The following ZNF577 variants were observed in gnomAD, a reference collection of about 807,000 sequenced individuals.
The protein encoded by ZNF577 is zinc finger protein 577.
Under a neutral mutation model 13.9 loss-of-function variants are expected in ZNF577, and 14 were observed. The ratio of observed to expected loss-of-function variants is 1.00; its 90% CI spans 0.66 to 1.57. The LOEUF (loss-of-function observed/expected upper bound fraction) is 1.57, where lower values mean the gene tolerates loss of function less well. Ranked by LOEUF, ZNF577 falls within the 40% of genes most tolerant of loss-of-function variation. The pLI is 0.00. For missense variants in ZNF577, 555 were observed against 579.2 expected, an observed-to-expected ratio of 0.96 and a Z score of 0.43; for synonymous variants, 203 against 202.9, an observed-to-expected ratio of 1.00 and a Z score of 0.00.
At chr19:51,808,919 C>T (rs1271959548) in intron 10 of ZNF577, among the ~76,000 whole-genome samples, 1 of 152,166 alleles carries the variant, frequency 6.6e-6, no homozygotes, top group Admixed American at 6.5e-5. Flanking sequence ...GGCCATTGAT[C>T]CACCCACACG....
Position 51,868,867 on chromosome 19 carries a change from G to A in ZNF577, c.*3665C>T, listed in dbSNP as rs1042929947. Among the ~76,000 whole-genome samples, 14 of 152,226 alleles carry A rather than the reference G, an allele frequency of 9.2e-5. No homozygotes were observed. Among genetic ancestry groups the A allele is most frequent in the Admixed American group, 2.6e-4 (4 of 15,282 alleles). On this transcript the variant is annotated 3_prime_UTR_variant, in exon 6 of 6. Coordinates refer to ENST00000638348, the MANE Select transcript of ZNF577 (RefSeq NM_001370449.1). ...CAACCCTGTGCTCGCAGAAACATGTGCTGTGTTGACTCAAGGTTTACTAGA... is the reference window on the plus strand; with the variant it reads ...CAACCCTGTGCTCGCAGAAACATGTACTGTGTTGACTCAAGGTTTACTAGA...
intron 9 of ZNF577, chr19:51,826,334 T>C (rs2084231654): frequency 6.6e-6 from 1 of 152,246 alleles, no homozygotes. Flanking sequence ...TGAAAGGAGT[T>C]TGGAAGTGAT....
intron 9 of ZNF577, among the ~76,000 whole-genome samples, chr19:51,834,447 T>C (rs7250063): frequency 0.42 from 64,379 of 151,970 alleles, 13,796 homozygotes; most frequent in South Asian, 0.58. Context: ...AAATAAGTTT[T>C]AATAAAAATC....
chr19:51,814,955 G>A (rs907705338), intron 9 of ZNF577, among the ~76,000 whole-genome samples: 7 of 151,800 alleles, frequency 4.6e-5, no homozygotes, highest in Admixed American at 1.3e-4. Flanking sequence ...GACTACAGCC[G>A]CCTGCCACCA....
intron 9 of ZNF577, among the ~76,000 whole-genome samples, chr19:51,811,925 C>A (rs2084099882): frequency 6.6e-6 from 1 of 152,162 alleles, no homozygotes; most frequent in Non-Finnish European, 1.5e-5. Context: ...CCCATGGGGT[C>A]TTCGGCTCCC....
intron 9 of ZNF577, among the ~76,000 whole-genome samples, chr19:51,829,331 C>T (rs1251666954): frequency 3.3e-5 from 5 of 152,150 alleles, no homozygotes; most frequent in Admixed American, 2.6e-4. Flanking sequence ...CTGGAGTCAA[C>T]ACGTCTTGTG....
At chr19:51,815,865 A>AAAAAAAG (rs1343923219) in intron 9 of ZNF577, among the ~76,000 whole-genome samples, 11 of 150,708 alleles carry the variant, frequency 7.3e-5, no homozygotes, top group South Asian at 2.1e-4. Context: ...CTGTCTCAAA[A>AAAAAAAG]AAAAAAGAAA....
intron 9 of ZNF577, among the ~76,000 whole-genome samples, chr19:51,813,158 A>C (rs970871397): frequency 7.4e-5 from 11 of 149,314 alleles, no homozygotes; most frequent in South Asian, 2.1e-4. Context: ...ACACACACAC[A>C]CACCCCATAA....
intron 5 of ZNF577, among the ~76,000 whole-genome samples, chr19:51,845,381 C>T (rs974058953): frequency 1.3e-5 from 2 of 151,734 alleles, no homozygotes; most frequent in African/African-American, 4.8e-5. Flanking sequence ...CCCAGCTACC[C>T]GGGAGGCTGA....
At chr19:51,810,213 G>A (rs1450622672) in intron 10 of ZNF577, among the ~76,000 whole-genome samples, 1 of 152,158 alleles carries the variant, frequency 6.6e-6, no homozygotes, top group African/African-American at 2.4e-5. Context: ...GCAAAGTGAT[G>A]AAGCTCAGTT....
intron 9 of ZNF577, among the ~76,000 whole-genome samples, chr19:51,815,806 G>A (rs546214992): frequency 6.6e-6 from 1 of 150,864 alleles, no homozygotes; most frequent in South Asian, 2.1e-4. Context: ...AGGTTACAGT[G>A]AGCAGCGATC....
At chr19:51,842,279 A>G (rs975446744) in intron 8 of ZNF577, among the ~76,000 whole-genome samples, 1 of 152,196 alleles carries the variant, frequency 6.6e-6, no homozygotes, top group African/African-American at 2.4e-5. Flanking sequence ...GTGTCCCCCA[A>G]AACTCATCTG....
At chr19:51,808,292 T>C (rs1330973753) in intron 10 of ZNF577, among the ~76,000 whole-genome samples, 1 of 152,222 alleles carries the variant, frequency 6.6e-6, no homozygotes, top group Non-Finnish European at 1.5e-5. Flanking sequence ...TCTGAGTCCA[T>C]ACACTTCTCT....
chr19:51,881,127 C>T (rs1390542851), intron 1 of ZNF577, among the ~76,000 whole-genome samples: 1 of 152,132 alleles, frequency 6.6e-6, no homozygotes, highest in Non-Finnish European at 1.5e-5. Flanking sequence ...CAAAAACCAC[C>T]TATGGTCTTG....
chr19:51,881,304 ACT>A (rs1475576481), intron 1 of ZNF577, among the ~76,000 whole-genome samples: 7 of 152,088 alleles, frequency 4.6e-5, no homozygotes, highest in African/African-American at 1.7e-4. Flanking sequence ...ACATGGCAAG[ACT>A]CTGTCTCTAA....
At chr19:51,820,480 G>A (rs773947555) in intron 9 of ZNF577, among the ~76,000 whole-genome samples, 3 of 152,164 alleles carry the variant, frequency 2.0e-5, no homozygotes, top group African/African-American at 7.2e-5. Flanking sequence ...TCTGGTCCAC[G>A]GTTCTCTTCT....
At chr19:51,857,362 G>GA (rs1311388013) in intron 5 of ZNF577, among the ~76,000 whole-genome samples, 79 of 96,652 alleles carry the variant, frequency 8.2e-4, no homozygotes, top group African/African-American at 2.0e-3. Flanking sequence ...AAGAAAGAAG[G>GA]AAGGAAAGAA....
At chr19:51,842,190 G>T (rs772694684) in intron 8 of ZNF577, among the ~76,000 whole-genome samples, 3 of 152,108 alleles carry the variant, frequency 2.0e-5, no homozygotes, top group Non-Finnish European at 2.9e-5. Flanking sequence ...GGCCAAATAG[G>T]CAAGAATCTC....
At chr19:51,836,994 A>AC (rs2084290749) in intron 9 of ZNF577, among the ~76,000 whole-genome samples, 1 of 149,974 alleles carries the variant, frequency 6.7e-6, no homozygotes, top group Non-Finnish European at 1.5e-5. Context: ...CAGTGAGCCC[A>AC]GAGGGCGCCA....
Sources: allele counts gnomAD v4.1 joint callset (sites outside exome capture counted in the v4.1 genomes callset), GRCh38; gene constraint gnomAD v4.1.1; transcripts MANE v1.5; gene names NCBI Gene and HGNC (gene_info 2026-07-23, HGNC 2026-07-21).